KLB: variants seen among roughly 807,000 people sequenced by gnomAD.
The protein encoded by KLB is klotho beta, also known as beta-klotho.
In KLB, 44 loss-of-function variants were observed where a neutral mutation model predicts 88.4. That is an observed-to-expected ratio of 0.50 (90% CI 0.39 to 0.64). KLB has a LOEUF of 0.64. Ranked by LOEUF, KLB falls within the 30% of genes least tolerant of loss-of-function variation. KLB has a pLI of 0.00. For missense variants in KLB, 1,137 were observed against 1,304.8 expected (o/e 0.87, Z 1.98); for synonymous variants, 548 against 513.4 (o/e 1.07, Z -0.91).
At position 39,447,112 on chromosome 4, in the gene KLB, C is replaced by CG; in HGVS notation, c.2391dup (p.Leu798AlafsTer32). On this transcript the variant is annotated frameshift_variant, in exon 4 of 5. Coordinates refer to ENST00000257408, the MANE Select transcript of KLB (RefSeq NM_175737.4). LOFTEE classifies it high-confidence loss of function. Reference sequence around the variant, plus strand: ...GGAATACATTGCCTCCAAGCACCGACGGGGGCTTTCCAGCTCGGCCCTGCC... The same window carrying CG: ...GGAATACATTGCCTCCAAGCACCGACGGGGGGCTTTCCAGCTCGGCCCTGCC... 6.2e-7 allele frequency: 1 copy of CG among 1,613,406 alleles called. No individual in the cohort carries two copies. The highest frequency in any genetic ancestry group is 8.5e-7 in the Non-Finnish European group (1 of 1,179,996).
At chr4:39,436,353 G>A (rs914990667) in intron 2 of KLB, among the ~76,000 whole-genome samples, 2 of 152,256 alleles carry the variant, frequency 1.3e-5, no homozygotes, top group South Asian at 2.1e-4. Flanking sequence ...GCCCAGCTAC[G>A]GGCCATGCAC....
chr4:39,418,361 T>C (rs1481790348), intron 1 of KLB, among the ~76,000 whole-genome samples: 1 of 152,048 alleles, frequency 6.6e-6, no homozygotes, highest in African/African-American at 2.4e-5. Flanking sequence ...TGCCTCAGCC[T>C]CCCAAGTAGC....
At position 39,446,485 on chromosome 4, in the gene KLB, G is replaced by C. The variant is rs779023008; in HGVS notation, c.1759G>C (p.Glu587Gln). 6.2e-7 allele frequency: 1 copy of C among 1,614,122 alleles called. No homozygotes were observed. Among genetic ancestry groups the C allele is most frequent in the Non-Finnish European group, 8.5e-7 (1 of 1,180,058 alleles). Residue 587 changes from glutamate (E) to glutamine (Q), a missense_variant, in exon 4 of 5, where the codon GAG (glutamate) becomes CAG (glutamine). Glu to Gln is a conservative substitution (Grantham distance 29). Transcript: ENST00000257408. The surrounding 1 kb of genome is among the most constrained non-coding windows in gnomAD (Gnocchi z 6.4). ...TTTTGTAAACATCAAAAAACAACTT[G>C]AGATGTTGGCAAGAATGAAAGTCAC... Reference protein sequence around the residue: ...TDFVNIKKQLEMLARMKVTHY... With the variant: ...TDFVNIKKQLQMLARMKVTHY...
intron 1 of KLB, among the ~76,000 whole-genome samples, chr4:39,430,407 T>TAAAAAA (rs1743319594): frequency 3.4e-5 from 4 of 116,258 alleles, no homozygotes; most frequent in South Asian, 5.1e-4. Context: ...TGTTTCTAAT[T>TAAAAAA]AGAAAAAAAA....
chr4:39,427,204 C>T (rs1231755670), intron 1 of KLB, among the ~76,000 whole-genome samples: 2 of 152,154 alleles, frequency 1.3e-5, no homozygotes, highest in South Asian at 2.1e-4. Flanking sequence ...AGCTTGAGGC[C>T]GGACGCGGTG....
At chr4:39,409,724 G>C (rs1742799599) in intron 1 of KLB, among the ~76,000 whole-genome samples, 1 of 151,194 alleles carries the variant, frequency 6.6e-6, no homozygotes. Flanking sequence ...TCAGGAGTTT[G>C]AGACCAGCCT....
rs1742762562 is a variant in KLB at position 39,407,778 on chromosome 4, C to T, written c.825+4C>T. On this transcript the variant is annotated splice_donor_region_variant and intron_variant, in intron 1 of 4. Coordinates refer to ENST00000257408, the MANE Select transcript of KLB (RefSeq NM_175737.4). ...TGTGGGACACAACTTGATCAAGGTACTGTACAGCTAGCTTCTTCTTATAGC... is the reference window on the plus strand; with the variant it reads ...TGTGGGACACAACTTGATCAAGGTATTGTACAGCTAGCTTCTTCTTATAGC... 6.6e-7 allele frequency: 1 copy of T among 1,524,796 alleles called. No homozygotes were observed. Among genetic ancestry groups the T allele is most frequent in the East Asian group, 2.3e-5 (1 of 43,896 alleles). 94.5% of individuals were successfully genotyped at this position (1,524,796 alleles called of 1,614,324 possible).
intron 1 of KLB, among the ~76,000 whole-genome samples, chr4:39,413,848 G>A (rs577594786): frequency 2.6e-5 from 4 of 152,244 alleles, no homozygotes; most frequent in South Asian, 2.1e-4. Context: ...ATTGGGTTAG[G>A]GGGAAAATGT....
rs996145057 is a variant in KLB, at chr4:39,446,176, T to C, written c.1606-156T>C. ...AAGCCAGGACCTGGGTGTGGCTCCT[T>C]CTCTGTTTTCTGGTCTCCTTGGGAG... On this transcript the variant is annotated intron_variant, in intron 3 of 4. Transcript: ENST00000257408. This position sits in a 1 kb window ranked among gnomAD's most constrained non-coding sequence, Gnocchi z 6.4. Among the ~76,000 whole-genome samples, 1 of 152,202 alleles carries C rather than the reference T, an allele frequency of 6.6e-6. No homozygotes were observed. Among genetic ancestry groups the C allele is most frequent in the East Asian group, 1.9e-4 (1 of 5,200 alleles).
At chr4:39,411,107 G>A (rs1742830850) in intron 1 of KLB, among the ~76,000 whole-genome samples, 1 of 152,106 alleles carries the variant, frequency 6.6e-6, no homozygotes. Flanking sequence ...AGCCTGGAGT[G>A]CAGTGGCACA....
At chr4:39,409,214 T>C (rs540401819) in intron 1 of KLB, among the ~76,000 whole-genome samples, 1 of 152,128 alleles carries the variant, frequency 6.6e-6, no homozygotes, top group Non-Finnish European at 1.5e-5. Context: ...AGGGTAGAAA[T>C]TGTATAGGTA....
In KLB at chr4:39,446,605, G is replaced by C. The variant is rs1374008929; in HGVS notation, c.1879G>C (p.Val627Leu). 4 of 1,614,160 alleles carry C rather than the reference G, an allele frequency of 2.5e-6. No individual in the cohort carries two copies. The highest frequency in any genetic ancestry group is 3.4e-6 in the Non-Finnish European group (4 of 1,179,972). Residue 627 changes from valine (V) to leucine (L), a missense_variant, in exon 4 of 5, where the codon GTC (valine) becomes CTC (leucine). Val to Leu is a conservative substitution (Grantham distance 32). This residue lies in a region of KLB where 597 missense variants were observed against 765.2 expected (regional missense o/e 0.78). Transcript: ENST00000257408. This position sits in a 1 kb window ranked among gnomAD's most constrained non-coding sequence, Gnocchi z 6.4. The part of the protein sequence containing the change: ...RQALRYYRCV[V>L]SEGLKLGISA... ...GGCCCTGAGGTACTACAGGTGCGTG[G>C]TCAGTGAGGGGCTGAAGCTTGGCAT...
rs1743884211 is a variant in KLB at position 39,451,018 on chromosome 4, G to A, written c.*2332G>A. On this transcript the variant is annotated 3_prime_UTR_variant, in exon 5 of 5. Transcript: ENST00000257408. ...TTCACATTAAGAGCTTATGCTTAAAGCATGCCCCCCTTTTCTAACTTGCTG... is the reference window on the plus strand; with the variant it reads ...TTCACATTAAGAGCTTATGCTTAAAACATGCCCCCCTTTTCTAACTTGCTG... 6.6e-6 allele frequency: 1 copy of A among 152,134 alleles called. No homozygotes were observed. The highest frequency in any genetic ancestry group is 2.1e-4 in the South Asian group (1 of 4,834). 9.4% of individuals were successfully genotyped at this position (152,134 alleles called of 1,614,324 possible). A position where few individuals can be genotyped will look rare whatever the true frequency, so the allele number is the denominator to read the frequency against.
At chr4:39,440,112 G>GTTTTC (rs1743568282) in intron 3 of KLB, among the ~76,000 whole-genome samples, 1 of 147,100 alleles carries the variant, frequency 6.8e-6, no homozygotes, top group Non-Finnish European at 1.5e-5. Flanking sequence ...TTTTTGTTTT[G>GTTTTC]TTTTCTTTTC....
intron 1 of KLB, among the ~76,000 whole-genome samples, chr4:39,422,307 G>C (rs1743106673): frequency 6.6e-6 from 1 of 152,088 alleles, no homozygotes; most frequent in Non-Finnish European, 1.5e-5. Flanking sequence ...AGAGAGGGAG[G>C]TTCAGCTTCT....
Position 39,443,846 on chromosome 4 carries a change from C to G in KLB, c.1606-2486C>G, listed in dbSNP as rs1045032674. ...TATCCTATTCCTCAACAACATTTCA[C>G]TCCATGGTTTTAACATTCTTTCATG... is the stretch of plus-strand genomic sequence containing the variant. On this transcript the variant is annotated intron_variant, in intron 3 of 4. Coordinates refer to ENST00000257408, the MANE Select transcript of KLB (RefSeq NM_175737.4). 2.0e-5 allele frequency among the ~76,000 whole-genome samples: 3 copies of G among 151,654 alleles called. No homozygotes were observed. The East Asian group carries it at 5.8e-4, about 29-fold the overall frequency.
In KLB at chr4:39,450,762, T is replaced by C. The variant is rs936289649; in HGVS notation, c.*2076T>C. 1 of 152,102 alleles carries C rather than the reference T, an allele frequency of 6.6e-6. No homozygotes were observed. Among genetic ancestry groups the C allele is most frequent in the African/African-American group, 2.4e-5 (1 of 41,400 alleles). 9.4% of individuals were successfully genotyped at this position (152,102 alleles called of 1,614,324 possible). On this transcript the variant is annotated 3_prime_UTR_variant, in exon 5 of 5. Transcript: ENST00000257408. ...ATCACTTGGCTGGGTTTTTTCCCCT[T>C]TGTGCCACATTGATTCACCCTGACC...
Position 39,438,105 on chromosome 4 carries a change from T to C in KLB, c.1605+110T>C, listed in dbSNP as rs1743522381. ...TGTCAGACAATATCAAATACCACAA[T>C]TGTATGGAGGTTATGAAGGAGAGCT... On this transcript the variant is annotated intron_variant, in intron 3 of 4. Coordinates refer to ENST00000257408, the MANE Select transcript of KLB (RefSeq NM_175737.4). 34 of 983,690 alleles carry C rather than the reference T, an allele frequency of 3.5e-5. 1 individual carries two copies. The highest frequency in any genetic ancestry group is 4.2e-5 in the Non-Finnish European group (28 of 670,078). 60.9% of individuals were successfully genotyped at this position (983,690 alleles called of 1,614,324 possible).
At chr4:39,409,104 G>T (rs1225303984) in intron 1 of KLB, among the ~76,000 whole-genome samples, 1 of 151,692 alleles carries the variant, frequency 6.6e-6, no homozygotes, top group East Asian at 1.9e-4. Context: ...TAAACAGATT[G>T]CATTATGATT....
Sources: allele counts gnomAD v4.1 joint callset (sites outside exome capture counted in the v4.1 genomes callset), GRCh38; gene constraint gnomAD v4.1.1; regional missense constraint gnomAD v4.1.1; non-coding constraint Gnocchi (gnomAD v3.1); transcripts MANE v1.5; gene names NCBI Gene and HGNC (gene_info 2026-07-23, HGNC 2026-07-21).